TMEM255B: variants seen among roughly 807,000 people sequenced by gnomAD.
The protein encoded by TMEM255B is family with sequence similarity 70, member B.
In TMEM255B, 35 loss-of-function variants were observed where a neutral mutation model predicts 34.5. The ratio of observed to expected loss-of-function variants is 1.01; its 90% CI spans 0.77 to 1.34. The LOEUF (loss-of-function observed/expected upper bound fraction) is 1.34, where lower values mean the gene tolerates loss of function less well. TMEM255B is among the 40% of genes most tolerant of loss of function. The pLI, the probability that TMEM255B is intolerant of heterozygous loss-of-function variation, is 0.00. For synonymous variants in TMEM255B, 206 were observed against 201.2 expected (o/e 1.02, Z -0.20); for missense variants, 432 against 433.2 (o/e 1.00, Z 0.02).
Position 113,797,078 on chromosome 13 carries a change from G to A in TMEM255B, c.342+1841G>A, listed in dbSNP as rs370327252. On this transcript the variant is annotated intron_variant, in intron 4 of 8. Transcript: ENST00000375353. ...TGTGCTCCAGGCGCCCGTGGCCGTG[G>A]CCCCGCCGAGGAGCAGGGTCCAGTC... Among the ~76,000 whole-genome samples, 35 of 152,314 alleles carry A rather than the reference G, an allele frequency of 2.3e-4. No individual in the cohort carries two copies. The East Asian group carries it at 3.9e-3, about 17-fold the overall frequency.
rs112084253 is a variant in TMEM255B, at chr13:113,769,395, C to T, written c.252+235C>T. 1.6e-3 allele frequency among the ~76,000 whole-genome samples: 247 copies of T among 152,282 alleles called. No homozygotes were observed. Among genetic ancestry groups the T allele is most frequent in the African/African-American group, 5.8e-3 (240 of 41,548 alleles). On this transcript the variant is annotated intron_variant, in intron 3 of 8. Transcript: ENST00000375353. This position sits in a 1 kb window ranked among gnomAD's most constrained non-coding sequence, Gnocchi z 4.2. ...CTGGGTTGCTGGTGTATCAACCTCA[C>T]GTGGTGTGCAACCACCAATGCTGAG...
chr13:113,763,911 A>G (rs914650690), intron 1 of TMEM255B, among the ~76,000 whole-genome samples: 1 of 152,242 alleles, frequency 6.6e-6, no homozygotes. Flanking sequence ...GGAGGAAGGA[A>G]GCCTGAGGCT....
intron 3 of TMEM255B, among the ~76,000 whole-genome samples, chr13:113,781,439 C>T (rs2050665009): frequency 6.6e-6 from 1 of 152,204 alleles, no homozygotes; most frequent in East Asian, 1.9e-4. Context: ...AATCTTTTTA[C>T]CAAAAGTATA....
intron 1 of TMEM255B, among the ~76,000 whole-genome samples, chr13:113,760,075 T>C (rs59916853): frequency 0.016 from 2,446 of 152,134 alleles, 51 homozygotes; most frequent in African/African-American, 0.053. Flanking sequence ...CAGAGTTCCC[T>C]AGAAAGTGAA....
rs776606310 is a variant in TMEM255B, at chr13:113,802,837, C to T, written c.669+1025C>T. Among the ~76,000 whole-genome samples the T allele has an allele frequency of 5.4e-5, 8 of 148,360 alleles. 1 individual carries two copies. Among genetic ancestry groups the T allele is most frequent in the South Asian group, 2.1e-4 (1 of 4,786 alleles). On this transcript the variant is annotated intron_variant, in intron 7 of 8. Transcript: ENST00000375353. Reference sequence around the variant, plus strand: ...CCAAGCCCCACCCTGGGCCCCCAGACGCCCGCACACCAACACAAGACAGGC... The same window carrying T: ...CCAAGCCCCACCCTGGGCCCCCAGATGCCCGCACACCAACACAAGACAGGC...
chr13:113,784,789 T>C (rs182079386), intron 3 of TMEM255B, among the ~76,000 whole-genome samples: 325 of 152,312 alleles, frequency 2.1e-3, no homozygotes, highest in African/African-American at 7.3e-3. Flanking sequence ...GCCCTCAGGA[T>C]CTAGGAATTA....
intron 8 of TMEM255B, among the ~76,000 whole-genome samples, chr13:113,805,636 T>C (rs761252850): frequency 1.4e-4 from 22 of 152,230 alleles, no homozygotes; most frequent in Non-Finnish European, 2.1e-4. Flanking sequence ...ACCTCGGCAC[T>C]GTAGGCATTC....
At chr13:113,787,521 C>T (rs935266122) in intron 3 of TMEM255B, among the ~76,000 whole-genome samples, 10 of 151,926 alleles carry the variant, frequency 6.6e-5, no homozygotes, top group Admixed American at 1.3e-4. Flanking sequence ...GTGGATGGTG[C>T]GAGTGTAGGG....
chr13:113,804,357 C>T (rs1385471474), intron 7 of TMEM255B, among the ~76,000 whole-genome samples: 3 of 152,220 alleles, frequency 2.0e-5, no homozygotes, highest in African/African-American at 2.4e-5. Flanking sequence ...GCCATCAGCC[C>T]GGTGCTGAGA....
At chr13:113,795,878 A>C in intron 4 of TMEM255B, among the ~76,000 whole-genome samples, 1 of 139,564 alleles carries the variant, frequency 7.2e-6, no homozygotes, top group South Asian at 2.5e-4. Flanking sequence ...TACACAGCAC[A>C]CAACACACAG....
In TMEM255B at chr13:113,816,164, C is replaced by T. The variant is rs1190155181; in HGVS notation, c.*4261C>T. On this transcript the variant is annotated 3_prime_UTR_variant, in exon 9 of 9. Transcript: ENST00000375353. ...GAGGTGCAGTTACTGGTCAGGGACA[C>T]GAGTTCTTTTCGGGGAGGCAAGCGT... is the stretch of plus-strand genomic sequence containing the variant. 2.7e-5 allele frequency: 4 copies of T among 150,698 alleles called. No homozygotes were observed. The highest frequency in any genetic ancestry group is 8.5e-5 in the African/African-American group (3 of 35,496). 9.3% of individuals were successfully genotyped at this position (150,698 alleles called of 1,614,324 possible). A position where few individuals can be genotyped will look rare whatever the true frequency, so the allele number is the denominator to read the frequency against.
intron 3 of TMEM255B, among the ~76,000 whole-genome samples, chr13:113,794,143 C>T (rs559018529): frequency 1.1e-4 from 16 of 152,240 alleles, no homozygotes; most frequent in South Asian, 4.2e-4. Flanking sequence ...GGGTCACGGT[C>T]GATGGAACTC....
chr13:113,796,907 G>T (rs367909335), intron 4 of TMEM255B, among the ~76,000 whole-genome samples: 93 of 150,984 alleles, frequency 6.2e-4, no homozygotes, highest in African/African-American at 2.2e-3. Flanking sequence ...CAAAACACAC[G>T]TGCGTGCGCA....
rs529128317 is a variant in TMEM255B, at chr13:113,761,335, G to A, written c.46+2020G>A. The A allele has an allele frequency of 1.8e-5, 18 of 985,332 alleles. No homozygotes were observed. The South Asian group carries it at 4.7e-4, about 26-fold the overall frequency. 61.0% of individuals were successfully genotyped at this position (985,332 alleles called of 1,614,324 possible). Reference sequence around the variant, plus strand: ...CAGGAAGAACCTGACCTCCAGCCTCGCGTGTCTTCCAGGTAGGACCTGGCG... The same window carrying A: ...CAGGAAGAACCTGACCTCCAGCCTCACGTGTCTTCCAGGTAGGACCTGGCG... On this transcript the variant is annotated intron_variant, in intron 1 of 8. Coordinates refer to ENST00000375353, the MANE Select transcript of TMEM255B (RefSeq NM_182614.4).
At chr13:113,792,621 G>A (rs541945981) in intron 3 of TMEM255B, among the ~76,000 whole-genome samples, 1 of 152,332 alleles carries the variant, frequency 6.6e-6, no homozygotes, top group Admixed American at 6.5e-5. Context: ...TGTTCAAGAG[G>A]GAACCTCCCT....
intron 2 of TMEM255B, among the ~76,000 whole-genome samples, chr13:113,767,146 A>G (rs982014158): frequency 8.5e-5 from 13 of 152,242 alleles, no homozygotes; most frequent in African/African-American, 3.1e-4. Context: ...AATAATATTG[A>G]TGACAATCAG....
At chr13:113,763,938 A>G (rs2050347681) in intron 1 of TMEM255B, among the ~76,000 whole-genome samples, 1 of 152,220 alleles carries the variant, frequency 6.6e-6, no homozygotes, top group Non-Finnish European at 1.5e-5. Context: ...CGAGGGACTG[A>G]GAGGCGGAGC....
intron 8 of TMEM255B, among the ~76,000 whole-genome samples, chr13:113,805,530 C>A (rs889213213): frequency 6.6e-6 from 1 of 152,368 alleles, no homozygotes; most frequent in Admixed American, 6.5e-5. Flanking sequence ...TGGCCCCTGC[C>A]TGCCTGTCCG....
At chr13:113,782,140 T>G (rs2050673931) in intron 3 of TMEM255B, among the ~76,000 whole-genome samples, 1 of 152,232 alleles carries the variant, frequency 6.6e-6, no homozygotes, top group South Asian at 2.1e-4. Context: ...TTAGCAACAG[T>G]CTTTACAACT....
Sources: gnomAD v4.1 joint callset for allele counts (sites outside exome capture counted in the v4.1 genomes callset) on GRCh38, gnomAD v4.1.1 for gene constraint, Gnocchi (gnomAD v3.1) non-coding constraint, MANE v1.5 for transcripts, NCBI Gene and HGNC (gene_info 2026-07-23, HGNC 2026-07-21) for gene names.